GFPT1: variants seen among roughly 807,000 people sequenced by gnomAD.
The protein encoded by GFPT1 is glutamine--fructose-6-phosphate transaminase 1.
In GFPT1, 40 loss-of-function variants were observed where a neutral mutation model predicts 92.0. The ratio of observed to expected loss-of-function variants is 0.43; its 90% CI spans 0.34 to 0.57. The LOEUF (loss-of-function observed/expected upper bound fraction) is 0.57, where lower values mean the gene tolerates loss of function less well. Among genes scored for constraint, GFPT1 ranks in the 20% least tolerant of loss-of-function variants. The pLI is 0.02. For synonymous variants in GFPT1, 269 were observed against 280.6 expected (o/e 0.96, Z 0.41); for missense variants, 448 against 869.1 (o/e 0.52, Z 6.09).
intron 19 of GFPT1, 27 bp from the exon 20 acceptor site, chr2:69,326,260 A>T: frequency 6.5e-7 from 1 of 1,528,436 alleles, no homozygotes; most frequent in Non-Finnish European, 9.0e-7. Context: ...AAAAAAAGCA[A>T]GATTTGAGAG....
At chr2:69,363,419 T>TA (rs1296904808) in intron 4 of GFPT1, 126 bp downstream of exon 4, 2 of 996,054 alleles carry the variant, frequency 2.0e-6, no homozygotes, top group African/African-American at 1.6e-5. Flanking sequence ...TGCTCTCTAC[T>TA]ACTTCTGAAT....
At chr2:69,326,681 G>A (rs1670539756) in intron 19 of GFPT1, among the ~76,000 whole-genome samples, 1 of 152,206 alleles carries the variant, frequency 6.6e-6, no homozygotes, top group African/African-American at 2.4e-5. Context: ...AACAGGTGGA[G>A]ACTACCCAAG....
rs113903221 is a variant in GFPT1, at chr2:69,332,458, C to A, written c.1483-2660G>T. Reference sequence around the variant, plus strand: ...CACCCCAAGTAGCTGGGATTACAGGCGCCCGCCACCATGCCCGGCTAATTT... The same window carrying A: ...CACCCCAAGTAGCTGGGATTACAGGAGCCCGCCACCATGCCCGGCTAATTT... On this transcript the variant is annotated intron_variant, in intron 15 of 19. Transcript: ENST00000357308. Among the ~76,000 whole-genome samples the A allele has an allele frequency of 1.1e-3, 166 of 151,850 alleles. 2 individuals are homozygous for A. The highest frequency in any genetic ancestry group is 3.9e-3 in the African/African-American group (160 of 41,430).
intron 3 of GFPT1, among the ~76,000 whole-genome samples, chr2:69,364,383 C>T (rs997824513): frequency 1.3e-5 from 2 of 152,102 alleles, no homozygotes; most frequent in African/African-American, 4.8e-5. Context: ...ACTATTCTTT[C>T]AAGTTTCCTG....
chr2:69,352,027 C>T (rs574530520), intron 9 of GFPT1, among the ~76,000 whole-genome samples: 59 of 152,164 alleles, frequency 3.9e-4, no homozygotes, highest in African/African-American at 1.3e-3. Context: ...TTTGGGAGGC[C>T]GAGGTGGGCA....
At chr2:69,336,729 C>T (rs1045868679) in intron 15 of GFPT1, among the ~76,000 whole-genome samples, 3 of 151,710 alleles carry the variant, frequency 2.0e-5, no homozygotes, top group African/African-American at 7.3e-5. Flanking sequence ...TCTGAGGCTG[C>T]AGGGAGCTAT....
At chr2:69,367,929 A>AT (rs1671649802) in intron 3 of GFPT1, among the ~76,000 whole-genome samples, 1 of 152,216 alleles carries the variant, frequency 6.6e-6, no homozygotes, top group South Asian at 2.1e-4. Flanking sequence ...ATCAATACTT[A>AT]TTTTGCATGT....
intron 1 of GFPT1, among the ~76,000 whole-genome samples, chr2:69,383,422 A>C (rs1485614534): frequency 6.6e-6 from 1 of 152,196 alleles, no homozygotes; most frequent in Non-Finnish European, 1.5e-5. Context: ...ATATGTAAGG[A>C]TATGTTAATA....
At chr2:69,347,210 CT>C (rs747188474) in intron 11 of GFPT1, among the ~76,000 whole-genome samples, 5,385 of 142,548 alleles carry the variant, frequency 0.038, 241 homozygotes, top group African/African-American at 0.11. Flanking sequence ...TGCACCTGGA[CT>C]TTTTTTTTTT....
intron 15 of GFPT1, among the ~76,000 whole-genome samples, chr2:69,335,420 C>A (rs1247696971): frequency 6.6e-6 from 1 of 152,136 alleles, no homozygotes; most frequent in Non-Finnish European, 1.5e-5. Flanking sequence ...ATATATATTT[C>A]CCTTGGCAGC....
At position 69,326,248 on chromosome 2, in the gene GFPT1, A is replaced by G; in HGVS notation, c.2056-15T>C. On this transcript the variant is annotated splice_polypyrimidine_tract_variant and intron_variant, in intron 19 of 19. Transcript: ENST00000357308. Reference sequence around the variant, plus strand: ...GGGAAATCAACCTGCAAAAAGAAAAAAAAAAAAAGCAAGATTTGAGAGATT... The same window carrying G: ...GGGAAATCAACCTGCAAAAAGAAAAGAAAAAAAAGCAAGATTTGAGAGATT... 2 of 1,588,516 alleles carry G rather than the reference A, an allele frequency of 1.3e-6. No homozygotes were observed. The highest frequency in any genetic ancestry group is 8.6e-7 in the Non-Finnish European group (1 of 1,162,474).
At chr2:69,327,647 T>C (rs1670562938) in intron 18 of GFPT1, among the ~76,000 whole-genome samples, 1 of 152,080 alleles carries the variant, frequency 6.6e-6, no homozygotes, top group Non-Finnish European at 1.5e-5. Context: ...GAAATATATA[T>C]TTAAAAATAT....
In GFPT1 at chr2:69,328,453, C is replaced by A; in HGVS notation, c.1726-15G>T. The A allele has an allele frequency of 6.3e-7, 1 of 1,590,088 alleles. No individual in the cohort carries two copies. The highest frequency in any genetic ancestry group is 8.6e-7 in the Non-Finnish European group (1 of 1,158,206). On this transcript the variant is annotated splice_polypyrimidine_tract_variant and intron_variant, in intron 17 of 19. Coordinates refer to ENST00000357308, the MANE Select transcript of GFPT1 (RefSeq NM_001244710.2). ...TCTTTGATTTTCTAATAGGAAAGAA[C>A]CAGATTTGTCTTCAATCCACTTTTC...
In GFPT1 at chr2:69,368,961, A is replaced by T. The variant is rs148500162; in HGVS notation, c.223+1040T>A. ...CTCCCTTCACATCTTCACTGACCAA[A>T]TATAATCAGCACCCATTCCCTATGT... On this transcript the variant is annotated intron_variant, in intron 3 of 19. Coordinates refer to ENST00000357308, the MANE Select transcript of GFPT1 (RefSeq NM_001244710.2). Among the ~76,000 whole-genome samples, 62 of 152,250 alleles carry T rather than the reference A, an allele frequency of 4.1e-4. 1 individual carries two copies. In the East Asian group the frequency reaches 0.012, roughly 29 times the overall value.
rs1671171010 is a variant in GFPT1, at chr2:69,350,140, G to A, written c.783C>T (p.Ser261=). ...KGSCNLSRVD[S]TTCLFPVEEK... ...CTTCCACCGGGAAAAGGCAGGTTGT[G>A]CTGTCCACACGAGAGAGATTGCAGC... The change falls in exon 10 of 20, where the codon AGC becomes AGT. Residue 261 remains serine, a synonymous_variant. Transcript: ENST00000357308. 5 of 1,613,878 alleles carry A rather than the reference G, an allele frequency of 3.1e-6. No homozygotes were observed. Among genetic ancestry groups the A allele is most frequent in the Non-Finnish European group, 4.2e-6 (5 of 1,179,906 alleles).
chr2:69,354,112 T>C (rs1671277091), intron 9 of GFPT1, 147 bp downstream of exon 9: 2 of 533,152 alleles, frequency 3.8e-6, no homozygotes, highest in Non-Finnish European at 6.4e-6. Flanking sequence ...CTCCGCAAAT[T>C]AGAAAAATGT....
At chr2:69,376,414 A>G (rs1671871087) in intron 1 of GFPT1, among the ~76,000 whole-genome samples, 2 of 152,232 alleles carry the variant, frequency 1.3e-5, no homozygotes, top group African/African-American at 4.8e-5. Flanking sequence ...GTAGGCTGAG[A>G]CGGGGAGAAT....
intron 4 of GFPT1, among the ~76,000 whole-genome samples, chr2:69,362,008 A>C (rs551031073): frequency 6.6e-6 from 1 of 152,228 alleles, no homozygotes; most frequent in South Asian, 2.1e-4. Flanking sequence ...ATGGGGAGGG[A>C]TAAATACACA....
intron 15 of GFPT1, among the ~76,000 whole-genome samples, chr2:69,332,223 A>G (rs1440414865): frequency 1.4e-5 from 2 of 147,306 alleles, no homozygotes; most frequent in East Asian, 2.0e-4. Context: ...ATTTAATGCT[A>G]TTTCCCTCTA....
Sources: allele counts gnomAD v4.1 joint callset (sites outside exome capture counted in the v4.1 genomes callset), GRCh38; gene constraint gnomAD v4.1.1; transcripts MANE v1.5; gene names NCBI Gene and HGNC (gene_info 2026-07-23, HGNC 2026-07-21).